FAM161A: variants seen among roughly 807,000 people sequenced by gnomAD.
The protein encoded by FAM161A is FAM161 centrosomal protein A.
Under a neutral mutation model 70.9 loss-of-function variants are expected in FAM161A, and 57 were observed. That is an observed-to-expected ratio of 0.80 (90% CI 0.65 to 1.00). The LOEUF is 1.00. FAM161A is among the 50% of genes least tolerant of loss of function. The pLI, the probability that FAM161A is intolerant of heterozygous loss-of-function variation, is 0.00. For synonymous variants in FAM161A, 299 were observed against 295.7 expected, an observed-to-expected ratio of 1.01 and a Z score of -0.12; for missense variants, 880 against 836.0, an observed-to-expected ratio of 1.05 and a Z score of -0.65.
At chr2:61,842,771 T>C (rs952024746) in intron 1 of FAM161A, among the ~76,000 whole-genome samples, 2 of 152,190 alleles carry the variant, frequency 1.3e-5, no homozygotes, top group Non-Finnish European at 2.9e-5. Flanking sequence ...CACAGCCCAA[T>C]GCTCTCCCTC....
At chr2:61,827,443 T>C (rs1485359775) in intron 5 of FAM161A, among the ~76,000 whole-genome samples, 185 bp from the exon 6 acceptor site, 1 of 151,968 alleles carries the variant, frequency 6.6e-6, no homozygotes, top group Admixed American at 6.6e-5. Flanking sequence ...ACCCCGTCTC[T>C]ACTAAAAATA....
At chr2:61,846,865 G>A in intron 1 of FAM161A, 1 of 449,564 alleles carries the variant, frequency 2.2e-6, no homozygotes, top group Non-Finnish European at 4.5e-6. Context: ...TCTGAATCCA[G>A]TATGCAGTTT....
At chr2:61,838,893 T>TTTATTTA (rs1553354076) in intron 3 of FAM161A, among the ~76,000 whole-genome samples, 188 bp from the exon 4 acceptor site, 1 of 103,028 alleles carries the variant, frequency 9.7e-6, no homozygotes, top group African/African-American at 4.6e-5. Context: ...TATTTATTTA[T>TTTATTTA]TTTTTTTGAG....
the FAM161A span, among the ~76,000 whole-genome samples, chr2:61,807,959 C>A: frequency 6.6e-6 from 1 of 152,066 alleles, no homozygotes; most frequent in African/African-American, 2.4e-5. Flanking sequence ...TTTTTTGCCA[C>A]ACAAAGTGTG....
chr2:61,835,771 C>T, intron 5 of FAM161A: 1 of 475,672 alleles, frequency 2.1e-6, no homozygotes, highest in East Asian at 3.7e-5. Context: ...CTCAAGCAAT[C>T]TGCCCACCTC....
Position 61,827,139 on chromosome 2 carries a change from A to C in FAM161A, c.1971T>G (p.Asn657Lys), listed in dbSNP as rs867264184. The change falls in exon 6 of 7, where the codon AAT (asparagine) becomes AAG (lysine). Residue 657 changes from asparagine to lysine, a missense_variant. Transcript: ENST00000404929. Reference protein sequence around the residue: ...QSGKVLEYFNNQETKSVTEDK... With the variant: ...QSGKVLEYFNKQETKSVTEDK... ...CTTCAGTGACACTTTTCGTCTCTTGATTGTTGAAGTACTCAAGTACTTTTC... is the reference window on the plus strand; with the variant it reads ...CTTCAGTGACACTTTTCGTCTCTTGCTTGTTGAAGTACTCAAGTACTTTTC... The C allele has an allele frequency of 1.2e-6, 2 of 1,613,866 alleles. No individual in the cohort carries two copies. The highest frequency in any genetic ancestry group is 1.7e-6 in the Non-Finnish European group (2 of 1,179,986).
rs1217940050 is a variant in FAM161A, at chr2:61,853,955, C to A, written c.87G>T (p.Gln29His). The change falls in exon 1 of 7, where the codon CAG (glutamine) becomes CAT (histidine). Residue 29 changes from glutamine to histidine, a missense_variant. Coordinates refer to ENST00000404929, the MANE Select transcript of FAM161A (RefSeq NM_001201543.2). ...VNPITGARVA[Q>H]YEREDPLKAL... ...CCTTTAAGGGGTCTTCGCGTTCGTA[C>A]TGGGCGACCCGCGCTCCAGTGATGG... 1 of 1,613,806 alleles carries A rather than the reference C, an allele frequency of 6.2e-7. No individual in the cohort carries two copies. The highest frequency in any genetic ancestry group is 1.3e-5 in the African/African-American group (1 of 74,926).
chr2:61,824,194 T>TG (rs1672275019), downstream of FAM161A, among the ~76,000 whole-genome samples: 1 of 7,032 alleles, frequency 1.4e-4, no homozygotes, highest in Non-Finnish European at 4.4e-4. Context: ...GCCTGGCTAA[T>TG]TTTTTTTTTT....
chr2:61,842,218 G>C lies in FAM161A; in HGVS notation c.326C>G (p.Thr109Ser). ...VEELKAAHIETMAKLEKMYQD... is the reference protein window; with the variant it reads ...VEELKAAHIESMAKLEKMYQD... ...GTACATTTTCTCTAATTTTGCCATAGTTTCTATGTGGGCAGCCTTCAACTC... is the reference window on the plus strand; with the variant it reads ...GTACATTTTCTCTAATTTTGCCATACTTTCTATGTGGGCAGCCTTCAACTC... Residue 109 changes from threonine to serine, a missense_variant, in exon 2 of 7, where the codon ACT (threonine) becomes AGT (serine). Thr to Ser is a moderately conservative substitution (Grantham distance 58). Coordinates refer to ENST00000404929, the MANE Select transcript of FAM161A (RefSeq NM_001201543.2). The C allele has an allele frequency of 6.2e-7, 1 of 1,613,800 alleles. No homozygotes were observed. Among genetic ancestry groups the C allele is most frequent in the Non-Finnish European group, 8.5e-7 (1 of 1,179,726 alleles).
chr2:61,809,953 C>G, the FAM161A span, among the ~76,000 whole-genome samples: 1 of 152,336 alleles, frequency 6.6e-6, no homozygotes, highest in African/African-American at 2.4e-5. Flanking sequence ...AGCCAGCTGA[C>G]AGCTAGTGTC....
rs1413863796 is a variant in FAM161A, at chr2:61,839,969, A to AG, written c.1034_1035insC (p.Leu346SerfsTer2). ...GATTTGTTTTCTTTTTATACTTAAG[A>AG]AAGTCTCTCAGCTGCTTTTCCCGGG... On this transcript the variant is annotated frameshift_variant, in exon 3 of 7. Coordinates refer to ENST00000404929, the MANE Select transcript of FAM161A (RefSeq NM_001201543.2). LOFTEE classifies it high-confidence loss of function. The AG allele has an allele frequency of 1.2e-6, 2 of 1,614,042 alleles. No homozygotes were observed. The highest frequency in any genetic ancestry group is 1.7e-6 in the Non-Finnish European group (2 of 1,180,032).
intron 5 of FAM161A, among the ~76,000 whole-genome samples, chr2:61,828,710 C>T (rs1038917012): frequency 6.6e-6 from 1 of 152,090 alleles, no homozygotes; most frequent in Non-Finnish European, 1.5e-5. Context: ...ATAAAAGCAC[C>T]AGTGTTGTAA....
At chr2:61,848,532 C>T (rs2105097825) in intron 1 of FAM161A, among the ~76,000 whole-genome samples, 1 of 151,842 alleles carries the variant, frequency 6.6e-6, no homozygotes, top group Non-Finnish European at 1.5e-5. Context: ...GTAAATGCAG[C>T]CACCAGATTA....
chr2:61,804,768 G>GAGAAAGAAAGAGAAAGAAAGAAAGAA, the FAM161A span, among the ~76,000 whole-genome samples: 5 of 118,952 alleles, frequency 4.2e-5, no homozygotes, highest in African/African-American at 1.6e-4. Flanking sequence ...GAAAAAGAAA[G>GAGAAAGAAAGAGAAAGAAAGAAAGAA]AGAAAGAAAG....
intron 1 of FAM161A, among the ~76,000 whole-genome samples, chr2:61,849,064 A>T (rs1239091409): frequency 9.8e-5 from 1 of 10,208 alleles, no homozygotes; most frequent in Non-Finnish European, 2.0e-4. Context: ...ATTTATATAT[A>T]TATAAATATA....
downstream of FAM161A, among the ~76,000 whole-genome samples, chr2:61,821,331 G>A (rs1002882946): frequency 6.6e-6 from 1 of 152,116 alleles, no homozygotes; most frequent in Admixed American, 6.6e-5. Flanking sequence ...GATTACAGGC[G>A]TGAGCCACTG....
intron 1 of FAM161A, among the ~76,000 whole-genome samples, chr2:61,845,653 T>C (rs561181648): frequency 2.6e-5 from 4 of 151,562 alleles, no homozygotes; most frequent in Non-Finnish European, 5.9e-5. Context: ...CGAGACACCA[T>C]CTCTACAAAT....
At chr2:61,816,703 A>G in the FAM161A span, among the ~76,000 whole-genome samples, 3 of 152,200 alleles carry the variant, frequency 2.0e-5, no homozygotes, top group South Asian at 4.1e-4. Context: ...ACTCCTGGAC[A>G]TGATCTTCCC....
At chr2:61,807,692 T>G in the FAM161A span, among the ~76,000 whole-genome samples, 5 of 144,150 alleles carry the variant, frequency 3.5e-5, no homozygotes, top group Non-Finnish European at 7.5e-5. Flanking sequence ...CAGGCTGGAG[T>G]GCAGTGGCGT....
Sources: allele counts gnomAD v4.1 joint callset (sites outside exome capture counted in the v4.1 genomes callset), GRCh38; gene constraint gnomAD v4.1.1; transcripts MANE v1.5; gene names NCBI Gene and HGNC (gene_info 2026-07-23, HGNC 2026-07-21).